Variants in LRP1B observed in about 807,000 individuals in gnomAD.
LRP1B encodes low-density lipoprotein receptor-related protein 1B.
Under a neutral mutation model 556.6 loss-of-function variants are expected in LRP1B, and 217 were observed. The observed-to-expected ratio is 0.39, with a 90% CI of 0.35 to 0.44. LRP1B has a LOEUF of 0.44. Among genes scored for constraint, LRP1B ranks in the 20% least tolerant of loss-of-function variants. The pLI is 1.00. For missense variants in LRP1B, 5,053 were observed against 5,620.8 expected (o/e 0.90, Z 3.23); for synonymous variants, 2,047 against 1,865.8 (o/e 1.10, Z -2.50).
intron 7 of LRP1B, among the ~76,000 whole-genome samples, chr2:141,115,156 G>GAA (rs5834809): frequency 4.0e-4 from 59 of 148,966 alleles, no homozygotes; most frequent in South Asian, 1.5e-3. Context: ...TTTTCTGAAA[G>GAA]AAAAAAAAAA....
intron 2 of LRP1B, among the ~76,000 whole-genome samples, chr2:141,701,158 G>A (rs945740274): frequency 2.0e-4 from 31 of 151,922 alleles, no homozygotes; most frequent in Non-Finnish European, 3.5e-4. Context: ...CACTAAAATG[G>A]ATCTGAACAC....
chr2:141,975,323 TTTTC>T (rs1701855408), intron 1 of LRP1B, among the ~76,000 whole-genome samples: 1 of 152,190 alleles, frequency 6.6e-6, no homozygotes, highest in African/African-American at 2.4e-5. Flanking sequence ...CTTTCATGTT[TTTTC>T]TTTGTTTGCA....
chr2:140,748,439 A>AT (rs70988426), intron 35 of LRP1B, among the ~76,000 whole-genome samples: 36,408 of 110,382 alleles, frequency 0.33, 6,887 homozygotes, highest in South Asian at 0.49. Context: ...ATTTATATAT[A>AT]TATTATATAT....
intron 15 of LRP1B, among the ~76,000 whole-genome samples, chr2:140,999,323 T>C (rs759021609): frequency 5.9e-5 from 9 of 152,058 alleles, no homozygotes; most frequent in Non-Finnish European, 1.3e-4. Flanking sequence ...TTTAACATTG[T>C]CTAGTGCAAT....
At chr2:140,747,266 G>C (rs982011302) in intron 35 of LRP1B, among the ~76,000 whole-genome samples, 1 of 152,282 alleles carries the variant, frequency 6.6e-6, no homozygotes, top group South Asian at 2.1e-4. Context: ...CCATGTGAAG[G>C]CTCTTTCACT....
At chr2:141,727,601 T>C (rs1228213879) in intron 2 of LRP1B, among the ~76,000 whole-genome samples, 1 of 152,134 alleles carries the variant, frequency 6.6e-6, no homozygotes, top group African/African-American at 2.4e-5. Flanking sequence ...TGAAATCTGG[T>C]CTTAGTTATC....
chr2:141,070,811 G>C (rs1025154409), intron 7 of LRP1B, among the ~76,000 whole-genome samples: 20 of 152,144 alleles, frequency 1.3e-4, no homozygotes, highest in African/African-American at 4.8e-4. Context: ...CCAGGAAAAA[G>C]TTGAATCTCT....
intron 47 of LRP1B, among the ~76,000 whole-genome samples, chr2:140,530,953 T>A (rs1690665944): frequency 6.6e-6 from 1 of 152,128 alleles, no homozygotes; most frequent in South Asian, 2.1e-4. Flanking sequence ...ATTCAGCAGC[T>A]GGTATTGATA....
chr2:141,544,396 C>T (rs909043122), intron 2 of LRP1B, among the ~76,000 whole-genome samples: 4,228 of 48,288 alleles, frequency 0.088, 248 homozygotes, highest in Non-Finnish European at 0.11. Flanking sequence ...TCCTCCTCCT[C>T]CTCCTCCTCC....
chr2:141,884,544 CT>C (rs1192630993), intron 1 of LRP1B, among the ~76,000 whole-genome samples: 2 of 152,100 alleles, frequency 1.3e-5, no homozygotes, highest in Admixed American at 1.3e-4. Context: ...TTTATTATCC[CT>C]TTTGTCCTTT....
intron 41 of LRP1B, among the ~76,000 whole-genome samples, chr2:140,665,785 A>G (rs1288777368): frequency 1.3e-5 from 2 of 152,136 alleles, no homozygotes; most frequent in Non-Finnish European, 2.9e-5. Context: ...AGATTTTCAT[A>G]AAGAGTTGTT....
At chr2:141,652,037 T>C (rs1689811056) in intron 2 of LRP1B, among the ~76,000 whole-genome samples, 1 of 152,214 alleles carries the variant, frequency 6.6e-6, no homozygotes, top group Non-Finnish European at 1.5e-5. Context: ...TTATTCTCAA[T>C]ATATACTAAA....
At chr2:141,846,299 T>C (rs1351570406) in intron 1 of LRP1B, among the ~76,000 whole-genome samples, 3 of 151,630 alleles carry the variant, frequency 2.0e-5, no homozygotes, top group African/African-American at 4.8e-5. Context: ...TTGATAACTT[T>C]CTGGGAAAAT....
chr2:140,293,455 T>C (rs1434213565), intron 84 of LRP1B, among the ~76,000 whole-genome samples: 1 of 152,220 alleles, frequency 6.6e-6, no homozygotes, highest in Non-Finnish European at 1.5e-5. Flanking sequence ...CTGCTGCTGT[T>C]AAAATTAATT....
At chr2:140,877,938 T>G (rs187572577) in intron 25 of LRP1B, among the ~76,000 whole-genome samples, 105 of 152,320 alleles carry the variant, frequency 6.9e-4, no homozygotes, top group African/African-American at 2.5e-3. Context: ...CTCAGGTTTA[T>G]GGGGTTCACA....
chr2:142,095,250 C>T lies in LRP1B; in HGVS notation c.82+35398G>A, dbSNP rs1308616983. Among the ~76,000 whole-genome samples the T allele has an allele frequency of 4.0e-5, 6 of 150,972 alleles. No individual in the cohort carries two copies. The East Asian group carries it at 1.2e-3, about 29-fold the overall frequency. ...AAGCAATGCACAAGAGTATAAGTTA[C>T]CAAATGTGTATTATACTACGGTATA... On this transcript the variant is annotated intron_variant, in intron 1 of 90. Coordinates refer to ENST00000389484, the MANE Select transcript of LRP1B (RefSeq NM_018557.3).
At chr2:141,322,777 A>C (rs2105474309) in intron 3 of LRP1B, among the ~76,000 whole-genome samples, 1 of 152,214 alleles carries the variant, frequency 6.6e-6, no homozygotes, top group East Asian at 1.9e-4. Context: ...TAAACCACAA[A>C]TATAGAATTA....
chr2:141,936,060 G>T (rs1700627607), intron 1 of LRP1B, among the ~76,000 whole-genome samples: 1 of 152,068 alleles, frequency 6.6e-6, no homozygotes, highest in African/African-American at 2.4e-5. Flanking sequence ...AAAAGGAGTG[G>T]AAAGGAATTT....
intron 2 of LRP1B, among the ~76,000 whole-genome samples, chr2:141,542,064 C>T (rs1574061497): frequency 6.6e-6 from 1 of 151,776 alleles, no homozygotes; most frequent in Non-Finnish European, 1.5e-5. Context: ...ATGTTCTATT[C>T]TTTTTGCGAT....
Sources: gnomAD v4.1 joint callset for allele counts (sites outside exome capture counted in the v4.1 genomes callset) on GRCh38, gnomAD v4.1.1 for gene constraint, MANE v1.5 for transcripts, NCBI Gene and HGNC (gene_info 2026-07-23, HGNC 2026-07-21) for gene names.